Variants in PTPRO observed in about 807,000 individuals in gnomAD.
PTPRO encodes protein tyrosine phosphatase receptor type O, also known as receptor-type tyrosine-protein phosphatase O.
A neutral mutation model predicts 145.2 loss-of-function variants in PTPRO; 62 were observed. That is an observed-to-expected ratio of 0.43 (90% CI 0.35 to 0.53). The LOEUF (loss-of-function observed/expected upper bound fraction) is 0.53. PTPRO is among the 20% of genes least tolerant of loss of function. The pLI, the probability that PTPRO is intolerant of heterozygous loss-of-function variation, is 0.01. For synonymous variants in PTPRO, 565 were observed against 514.7 expected (o/e 1.10, Z -1.32); for missense variants, 1,345 against 1,482.7 (o/e 0.91, Z 1.53).
chr12:15,378,212 T>G (rs1346500302), intron 1 of PTPRO, among the ~76,000 whole-genome samples: 1 of 151,860 alleles, frequency 6.6e-6, no homozygotes, highest in Non-Finnish European at 1.5e-5. Context: ...CAAACTTGGT[T>G]TTTTTGAAAA....
At position 15,562,478 on chromosome 12, in the gene PTPRO, T is replaced by C. The variant is rs1249348262; in HGVS notation, c.2711+2202T>C. Among the ~76,000 whole-genome samples, 6 of 152,288 alleles carry C rather than the reference T, an allele frequency of 3.9e-5. No individual in the cohort carries two copies. The East Asian group carries it at 5.8e-4, about 15-fold the overall frequency. ...CTAAACTGTCGGTTTCTTGGAAATA[T>C]ATGTTCCTGTTGATTTTCTAAAACC... On this transcript the variant is annotated intron_variant, in intron 17 of 26. Coordinates refer to ENST00000281171, the MANE Select transcript of PTPRO (RefSeq NM_030667.3).
At position 15,478,125 on chromosome 12, in the gene PTPRO, G is replaced by A. The variant is rs1216238528; in HGVS notation, c.76-5849G>A. Among the ~76,000 whole-genome samples, 4 of 152,324 alleles carry A rather than the reference G, an allele frequency of 2.6e-5. No individual in the cohort carries two copies. In the South Asian group the frequency reaches 8.3e-4, roughly 32 times the overall value. On this transcript the variant is annotated intron_variant, in intron 1 of 26. Transcript: ENST00000281171. ...TTGGGACACTGACAAAGCAAAGTTG[G>A]AGGGTATGGGTACAAGAGCAGACTG...
chr12:15,546,270 T>G, intron 12 of PTPRO: 1 of 1,093,522 alleles, frequency 9.1e-7, no homozygotes, highest in Non-Finnish European at 1.1e-6. Flanking sequence ...AATGCTAACT[T>G]CAGTATAAAT....
At chr12:15,403,933 C>G (rs1939572706) in intron 1 of PTPRO, among the ~76,000 whole-genome samples, 1 of 151,972 alleles carries the variant, frequency 6.6e-6, no homozygotes, top group Non-Finnish European at 1.5e-5. Flanking sequence ...CACTGTGGCT[C>G]ACACCTGTAA....
intron 12 of PTPRO, among the ~76,000 whole-genome samples, chr12:15,530,725 G>A (rs1365879620): frequency 6.6e-6 from 1 of 152,044 alleles, no homozygotes; most frequent in Non-Finnish European, 1.5e-5. Flanking sequence ...TATAGCAAAA[G>A]CCATAGTATG....
In PTPRO at chr12:15,584,618, G is replaced by A. The variant is rs142131945; in HGVS notation, c.3256-2279G>A. Among the ~76,000 whole-genome samples, 209 of 152,294 alleles carry A rather than the reference G, an allele frequency of 1.4e-3. 1 individual carries two copies. The highest frequency in any genetic ancestry group is 4.8e-3 in the African/African-American group (199 of 41,558). On this transcript the variant is annotated intron_variant, in intron 23 of 26. Coordinates refer to ENST00000281171, the MANE Select transcript of PTPRO (RefSeq NM_030667.3). The stretch of plus-strand genomic sequence containing the variant: ...TGTAAGGAATTTACTTGTTACAAGC[G>A]TCTGGTACCAGAGTGCCCCCTTTTG...
intron 15 of PTPRO, among the ~76,000 whole-genome samples, chr12:15,553,583 A>T (rs1329557851): frequency 2.6e-5 from 4 of 152,208 alleles, no homozygotes; most frequent in Non-Finnish European, 4.4e-5. Context: ...GAGTAGAAGG[A>T]GATGTCAAGT....
intron 15 of PTPRO, among the ~76,000 whole-genome samples, chr12:15,552,082 A>G (rs1943478195): frequency 2.0e-5 from 3 of 151,584 alleles, no homozygotes; most frequent in Admixed American, 2.0e-4. Flanking sequence ...TCCTCTCCAT[A>G]ATTTTAAGCT....
chr12:15,491,486 T>G (rs1016883704), intron 2 of PTPRO, among the ~76,000 whole-genome samples: 1 of 152,204 alleles, frequency 6.6e-6, no homozygotes, highest in Non-Finnish European at 1.5e-5. Context: ...CTATTCATGA[T>G]CTCTCTTGAA....
rs376532968 is a variant in PTPRO at position 15,427,136 on chromosome 12, CTAGA to C, written c.76-56837_76-56834del. 6.2e-3 allele frequency among the ~76,000 whole-genome samples: 950 copies of C among 152,088 alleles called. 12 individuals are homozygous for C. The highest frequency in any genetic ancestry group is 0.021 in the African/African-American group (889 of 41,514). ...TCTTAGGCTCTTAGATGCTCACATG[CTAGA>C]ATAAGACAAAAAGAATTAGGCCATT... is the stretch of plus-strand genomic sequence containing the variant. On this transcript the variant is annotated intron_variant, in intron 1 of 26. Coordinates refer to ENST00000281171, the MANE Select transcript of PTPRO (RefSeq NM_030667.3).
At chr12:15,426,867 C>A (rs1034553461) in intron 1 of PTPRO, among the ~76,000 whole-genome samples, 13 of 152,100 alleles carry the variant, frequency 8.5e-5, no homozygotes, top group African/African-American at 3.1e-4. Context: ...TTTGCTCAAT[C>A]TGATAATCCT....
chr12:15,427,017 G>C (rs1052298655), intron 1 of PTPRO, among the ~76,000 whole-genome samples: 1 of 152,010 alleles, frequency 6.6e-6, no homozygotes. Context: ...ACACAGCGTA[G>C]CAGGTCAGAA....
chr12:15,554,202 G>T (rs1389686378), intron 15 of PTPRO, among the ~76,000 whole-genome samples: 1 of 152,024 alleles, frequency 6.6e-6, no homozygotes, highest in Non-Finnish European at 1.5e-5. Context: ...AAAAAAGAGA[G>T]TTGAGGCTAA....
chr12:15,555,898 A>G (rs1943609352), intron 15 of PTPRO, among the ~76,000 whole-genome samples: 1 of 152,244 alleles, frequency 6.6e-6, no homozygotes, highest in African/African-American at 2.4e-5. Context: ...AGTATATTCA[A>G]TGTCAATATG....
At chr12:15,439,570 G>GT in intron 1 of PTPRO, 1 of 270,932 alleles carries the variant, frequency 3.7e-6, no homozygotes, top group Non-Finnish European at 7.3e-6. Context: ...GGAGGACTCG[G>GT]GGGCCCTGGG....
chr12:15,514,750 T>G (rs1314007215), intron 7 of PTPRO, among the ~76,000 whole-genome samples: 1 of 151,880 alleles, frequency 6.6e-6, no homozygotes, highest in Non-Finnish European at 1.5e-5. Flanking sequence ...ATTTATTTAT[T>G]TATTTTATTT....
chr12:15,517,994 T>C lies in PTPRO; in HGVS notation c.1779+1038T>C, dbSNP rs530070321. ...CTAGGCAGTACCCCAGTAGGGACTC[T>C]GTGTGCAGTCTCCAGCCCCACATTT... On this transcript the variant is annotated intron_variant, in intron 9 of 26. Coordinates refer to ENST00000281171, the MANE Select transcript of PTPRO (RefSeq NM_030667.3). Among the ~76,000 whole-genome samples, 14 of 138,316 alleles carry C rather than the reference T, an allele frequency of 1.0e-4. No individual in the cohort carries two copies. In the South Asian group the frequency reaches 3.6e-3, roughly 35 times the overall value. The allele number at this position is 138,316 out of a possible 152,430, so 90.7% of individuals were successfully genotyped here.
At chr12:15,417,745 T>C (rs2136322435) in intron 1 of PTPRO, among the ~76,000 whole-genome samples, 1 of 151,902 alleles carries the variant, frequency 6.6e-6, no homozygotes, top group Admixed American at 6.5e-5. Context: ...ACTAAAGGAA[T>C]GATCTCAGTG....
Position 15,406,019 on chromosome 12 carries a change from A to AT in PTPRO, c.76-77949dup, listed in dbSNP as rs911346696. Among the ~76,000 whole-genome samples, 3 of 152,132 alleles carry AT rather than the reference A, an allele frequency of 2.0e-5. No individual in the cohort carries two copies. In the East Asian group the frequency reaches 5.8e-4, roughly 29 times the overall value. ...TAAGTTATTAAAGTCATTAAATTTA[A>AT]TTTTTTATTCTTTAACTAAATTATT... On this transcript the variant is annotated intron_variant, in intron 1 of 26. Coordinates refer to ENST00000281171, the MANE Select transcript of PTPRO (RefSeq NM_030667.3).
Sources: allele counts gnomAD v4.1 joint callset (sites outside exome capture counted in the v4.1 genomes callset), GRCh38; gene constraint gnomAD v4.1.1; transcripts MANE v1.5; gene names NCBI Gene and HGNC (gene_info 2026-07-23, HGNC 2026-07-21).